CD99: variants seen among roughly 807,000 people sequenced by gnomAD.
CD99 encodes the protein CD99 molecule (Xg blood group), also known as CD99 antigen.
CD99 carries 19 observed loss-of-function variants against 28.4 expected under a neutral mutation model. The observed-to-expected ratio is 0.67, with a 90% CI of 0.47 to 0.98. The LOEUF (loss-of-function observed/expected upper bound fraction) is 0.98, where lower values mean the gene tolerates loss of function less well. Ranked by LOEUF, CD99 falls within the 50% of genes least tolerant of loss-of-function variation. The probability of loss-of-function intolerance (pLI) is 0.00; values close to 1 mark genes in which losing one functional copy is unlikely to be tolerated. For missense variants in CD99, 283 were observed against 248.8 expected (o/e 1.14, Z -0.92); for synonymous variants, 103 against 92.1 (o/e 1.12, Z -0.67).
chrX:2,719,118 T>C (rs1427632300), intron 3 of CD99: 1 of 154,162 alleles, frequency 6.5e-6, no homozygotes, highest in Non-Finnish European at 1.4e-5. Context: ...TTCTTCATAC[T>C]AGAAGACAAG....
chrX:2,716,442 TCCTCCCACCTCAGC>T (rs1391708632), intron 2 of CD99, among the ~76,000 whole-genome samples: 2 of 152,168 alleles, frequency 1.3e-5, no homozygotes, highest in African/African-American at 4.8e-5. Context: ...GCTCAAGCAG[TCCTCCCACCTCAGC>T]CTGCTGAGTA....
At chrX:2,716,547 C>T (rs760144774) in intron 2 of CD99, among the ~76,000 whole-genome samples, 20 of 152,016 alleles carry the variant, frequency 1.3e-4, no homozygotes, top group African/African-American at 4.3e-4. Flanking sequence ...ATTGGAGTGC[C>T]ACGGTGGGAT....
intron 8 of CD99, among the ~76,000 whole-genome samples, chrX:2,726,623 C>T (rs979799042): frequency 6.6e-6 from 1 of 152,084 alleles, no homozygotes; most frequent in African/African-American, 2.4e-5. Flanking sequence ...TTACGTCTAC[C>T]AAGTGGGAAA....
chrX:2,707,114 G>A (rs1409523070), intron 1 of CD99, among the ~76,000 whole-genome samples: 2 of 152,202 alleles, frequency 1.3e-5, no homozygotes, highest in Admixed American at 1.3e-4. Flanking sequence ...CAGATCACTT[G>A]ATGCCCGGAG....
At chrX:2,738,304 AT>A in intron 9 of CD99, 48 bp downstream of exon 9, 1 of 1,563,758 alleles carries the variant, frequency 6.4e-7, no homozygotes, top group Non-Finnish European at 8.8e-7. Flanking sequence ...CAGTGTTCCC[AT>A]TTTATCTTCT....
rs1482773157 is a variant in CD99, at chrX:2,699,128, CTCT to C, written c.67+7706_67+7708del. ...TCTTTTTGTTTTTTTCTTTTCTTTC[CTCT>C]TCTTTTCTTTTCTTTTGTTTTCTCT... On this transcript the variant is annotated intron_variant, in intron 1 of 9. Transcript: ENST00000381192. 5.4e-5 allele frequency among the ~76,000 whole-genome samples: 8 copies of C among 148,730 alleles called. No individual in the cohort carries two copies. In the East Asian group the frequency reaches 1.2e-3, roughly 22 times the overall value.
intron 1 of CD99, among the ~76,000 whole-genome samples, chrX:2,707,350 A>AAAAG (rs1358838839): frequency 7.3e-6 from 1 of 137,478 alleles, no homozygotes; most frequent in Non-Finnish European, 1.7e-5. Context: ...AAAAGAAAAG[A>AAAAG]AAAAAACAGC....
intron 8 of CD99, among the ~76,000 whole-genome samples, chrX:2,733,937 T>C (rs185769587): frequency 5.1e-4 from 77 of 152,344 alleles, no homozygotes; most frequent in Non-Finnish European, 8.1e-4. Context: ...CACACCTTGG[T>C]TCCTAGAAAA....
chrX:2,714,717 AGTG>A, intron 2 of CD99: 1 of 358,948 alleles, frequency 2.8e-6, no homozygotes. Context: ...AGAGACAGGA[AGTG>A]GGGCACGTGC....
At chrX:2,702,035 A>G (rs1048488869) in intron 1 of CD99, among the ~76,000 whole-genome samples, 3 of 151,940 alleles carry the variant, frequency 2.0e-5, no homozygotes, top group South Asian at 2.1e-4. Flanking sequence ...ACTTAGGAAA[A>G]CCCCACAGAT....
chrX:2,728,420 T>A (rs1257790128), intron 8 of CD99, among the ~76,000 whole-genome samples: 1 of 151,970 alleles, frequency 6.6e-6, no homozygotes, highest in African/African-American at 2.4e-5. Flanking sequence ...GGTCTCGAAC[T>A]CCTGACCTTG....
chrX:2,720,349 C>T lies in CD99; in HGVS notation c.194-7C>T, dbSNP rs1369383000. ...TTAAAATTGCAACTCTCATCTTTCA[C>T]AAACAGACGACCCACGACCACCGAA... On this transcript the variant is annotated splice_region_variant and splice_polypyrimidine_tract_variant and intron_variant, in intron 4 of 9. Coordinates refer to ENST00000381192, the MANE Select transcript of CD99 (RefSeq NM_002414.5). The T allele has an allele frequency of 5.6e-6, 9 of 1,613,482 alleles. No individual in the cohort carries two copies. The Middle Eastern group carries it at 8.2e-4, about 147-fold the overall frequency.
rs775419785 is a variant in CD99 at position 2,719,695 on chromosome X, T to C, written c.183T>C (p.Asp61=). 1 of 1,613,922 alleles carries C rather than the reference T, an allele frequency of 6.2e-7. No individual in the cohort carries two copies. Among genetic ancestry groups the C allele is most frequent in the South Asian group, 1.1e-5 (1 of 91,070 alleles). ...DDFDLGDAVV[D]GENDDPRPPN... ...TTGACTTAGGAGATGCTGTTGTTGATGGAGAAAATGGTGAGTATTTTCCTT... is the reference window on the plus strand; with the variant it reads ...TTGACTTAGGAGATGCTGTTGTTGACGGAGAAAATGGTGAGTATTTTCCTT... Residue 61 remains aspartate, a synonymous_variant, in exon 4 of 10, where the codon GAT becomes GAC. Transcript: ENST00000381192.
At chrX:2,727,248 A>C (rs775716624) in intron 8 of CD99, 2 of 769,784 alleles carry the variant, frequency 2.6e-6, no homozygotes, top group Non-Finnish European at 4.8e-6. Flanking sequence ...TAAAATTTAC[A>C]GGGGAATTAG....
In CD99 at chrX:2,723,230, G is replaced by A. The variant is rs1266531779; in HGVS notation, c.311-84G>A. ...TACCCCCGTAGAGTGTAAGAAGCAG[G>A]ACCCCAGCCTCTTCACGGTCCTGGC... On this transcript the variant is annotated intron_variant, in intron 6 of 9. Coordinates refer to ENST00000381192, the MANE Select transcript of CD99 (RefSeq NM_002414.5). The A allele has an allele frequency of 6.5e-6, 9 of 1,384,946 alleles. No individual in the cohort carries two copies. In the South Asian group the frequency reaches 1.0e-4, roughly 16 times the overall value. 85.8% of individuals were successfully genotyped at this position (1,384,946 alleles called of 1,614,324 possible). A position where few individuals can be genotyped will look rare whatever the true frequency, so the allele number is the denominator to read the frequency against.
At chrX:2,692,240 T>C (rs2047348295) in intron 1 of CD99, 1 of 313,268 alleles carries the variant, frequency 3.2e-6, no homozygotes, top group African/African-American at 2.5e-5. Context: ...TAAATTCTTT[T>C]TTCATGTTAT....
intron 7 of CD99, among the ~76,000 whole-genome samples, chrX:2,725,234 A>G (rs991877359): frequency 2.0e-5 from 3 of 152,034 alleles, no homozygotes; most frequent in African/African-American, 7.2e-5. Context: ...CCCCAATTCT[A>G]TAAAACCACA....
intron 8 of CD99, chrX:2,733,476 C>T (rs41302605): frequency 7.9e-7 from 1 of 1,267,998 alleles, no homozygotes; most frequent in Non-Finnish European, 1.1e-6. Context: ...TGCCGCTCCC[C>T]TCGCCCTGCT....
intron 8 of CD99, among the ~76,000 whole-genome samples, chrX:2,728,353 G>A (rs774071955): frequency 4.2e-4 from 63 of 151,780 alleles, no homozygotes; most frequent in Non-Finnish European, 6.8e-4. Context: ...GCACCACCAC[G>A]CACAGCTAAT....
Sources: gnomAD v4.1 joint callset for allele counts (sites outside exome capture counted in the v4.1 genomes callset) on GRCh38, gnomAD v4.1.1 for gene constraint, MANE v1.5 for transcripts, NCBI Gene and HGNC (gene_info 2026-07-23, HGNC 2026-07-21) for gene names.